IL22RA1: variants seen among roughly 807,000 people sequenced by gnomAD.
IL22RA1 encodes interleukin 22 receptor subunit alpha 1.
In IL22RA1, 25 loss-of-function variants were observed where a neutral mutation model predicts 32.8. The ratio of observed to expected loss-of-function variants is 0.76; its 90% confidence interval spans 0.55 to 1.06. The LOEUF (loss-of-function observed/expected upper bound fraction) is 1.06. Ranked by LOEUF, IL22RA1 falls within the 50% of genes least tolerant of loss-of-function variation. IL22RA1 has a pLI of 0.00. For missense variants in IL22RA1, 709 were observed against 727.4 expected (o/e 0.97, Z 0.29); for synonymous variants, 305 against 305.0 (o/e 1.00, Z 0.00).
At position 24,121,424 on chromosome 1, in the gene IL22RA1, G is replaced by C. The variant is rs1028376253; in HGVS notation, c.1106C>G (p.Thr369Ser). 5 of 1,548,112 alleles carry C rather than the reference G, an allele frequency of 3.2e-6. No individual in the cohort carries two copies. The highest frequency in any genetic ancestry group is 4.4e-6 in the Non-Finnish European group (5 of 1,145,568). ...GTAGAATGGGAATTGAGCTTCGGGGGTCACCTGAGGTGCATAGGATGGGGG... is the reference window on the plus strand; with the variant it reads ...GTAGAATGGGAATTGAGCTTCGGGGCTCACCTGAGGTGCATAGGATGGGGG... ...VGPPSYAPQV[T>S]PEAQFPFYAP... Residue 369 changes from threonine (T) to serine (S), a missense_variant, in exon 7 of 7, where the codon ACC becomes AGC. Physicochemically the swap from Thr to Ser is moderately conservative, Grantham distance 58 (BLOSUM62 1). Transcript: ENST00000270800.
intron 2 of IL22RA1, 67 bp downstream of exon 2, chr1:24,138,515 G>C (rs1644258321): frequency 1.3e-6 from 2 of 1,576,126 alleles, no homozygotes; most frequent in African/African-American, 2.7e-5. Context: ...TGGAGAGGAG[G>C]GGAATTCCTT....
chr1:24,137,292 C>G lies in IL22RA1; in HGVS notation c.194G>C (p.Trp65Ser). 1 of 1,614,060 alleles carries G rather than the reference C, an allele frequency of 6.2e-7. No individual in the cohort carries two copies. The highest frequency in any genetic ancestry group is 8.5e-7 in the Non-Finnish European group (1 of 1,179,990). ...IEYKTYGERD[W>S]VAKKGCQRIT... ...CCGCTGACAGCCCTTCTTTGCCACC[C>G]AGTCCCTCTCTCCGTACCTGCAGGT... Residue 65 changes from tryptophan (W) to serine (S), a missense_variant, in exon 3 of 7, where the codon TGG becomes TCG. Coordinates refer to ENST00000270800, the MANE Select transcript of IL22RA1 (RefSeq NM_021258.4).
chr1:24,141,221 T>A (rs1644279317), intron 1 of IL22RA1, among the ~76,000 whole-genome samples: 1 of 152,082 alleles, frequency 6.6e-6, no homozygotes, highest in South Asian at 2.1e-4. Context: ...GTAGCTGACA[T>A]CTTGTTTGGA....
chr1:24,135,517 A>G (rs1004151702), intron 3 of IL22RA1, among the ~76,000 whole-genome samples: 4 of 152,236 alleles, frequency 2.6e-5, no homozygotes, highest in Non-Finnish European at 5.9e-5. Context: ...TCACACGCTT[A>G]GCTTGTGTGG....
intron 4 of IL22RA1, among the ~76,000 whole-genome samples, chr1:24,131,034 A>G (rs980288440): frequency 6.6e-6 from 1 of 152,210 alleles, no homozygotes; most frequent in African/African-American, 2.4e-5. Context: ...CGGTATAACA[A>G]TGCTCCAGGA....
chr1:24,136,506 G>C (rs1644243251), intron 3 of IL22RA1, among the ~76,000 whole-genome samples: 1 of 151,576 alleles, frequency 6.6e-6, no homozygotes, highest in African/African-American at 2.4e-5. Context: ...CACTGACTTA[G>C]GAGGTGATGT....
intron 6 of IL22RA1, among the ~76,000 whole-genome samples, chr1:24,122,580 G>C (rs994684086): frequency 1.3e-5 from 2 of 152,144 alleles, no homozygotes; most frequent in Non-Finnish European, 2.9e-5. Flanking sequence ...TAGATCACCT[G>C]AAGTCAGGAG....
At chr1:24,142,429 CT>C (rs1439158951) in intron 1 of IL22RA1, among the ~76,000 whole-genome samples, 3 of 152,222 alleles carry the variant, frequency 2.0e-5, no homozygotes, top group African/African-American at 7.2e-5. Context: ...ACTCCGCTCA[CT>C]TTATTGGCTT....
In IL22RA1 at chr1:24,123,589, C is replaced by T. The variant is rs951931917; in HGVS notation, c.671-166G>A. ...CACAAATGGAAGTCCATATACTGTA[C>T]ATCTAAATAGTCAGAATTTACAAAT... On this transcript the variant is annotated intron_variant, in intron 5 of 6. Coordinates refer to ENST00000270800, the MANE Select transcript of IL22RA1 (RefSeq NM_021258.4). The T allele has an allele frequency of 2.5e-5, 35 of 1,373,022 alleles. 1 individual carries two copies. Among genetic ancestry groups the T allele is most frequent in the Admixed American group, 1.2e-4 (4 of 33,462 alleles). 85.1% of individuals were successfully genotyped at this position (1,373,022 alleles called of 1,614,324 possible).
intron 5 of IL22RA1, among the ~76,000 whole-genome samples, chr1:24,127,315 T>C (rs1644172795): frequency 6.7e-6 from 1 of 148,936 alleles, no homozygotes; most frequent in Non-Finnish European, 1.5e-5. Context: ...GCAAGTCACT[T>C]TTTTTTTTTT....
chr1:24,127,595 G>A (rs543865220), intron 5 of IL22RA1, among the ~76,000 whole-genome samples: 13 of 152,262 alleles, frequency 8.5e-5, no homozygotes, highest in Admixed American at 5.9e-4. Context: ...TTACAGGTGT[G>A]AGCCACTGTG....
chr1:24,134,126 C>CTTTT, intron 4 of IL22RA1, 85 bp downstream of exon 4: 2 of 1,205,454 alleles, frequency 1.7e-6, no homozygotes, highest in Non-Finnish European at 2.3e-6. Flanking sequence ...AACATGTCCC[C>CTTTT]TTTTTTTCTT....
chr1:24,124,480 T>G (rs1459011854), intron 5 of IL22RA1, among the ~76,000 whole-genome samples: 1 of 152,108 alleles, frequency 6.6e-6, no homozygotes, highest in Non-Finnish European at 1.5e-5. Context: ...CCAGTCCAAG[T>G]GGGGCTTGTG....
intron 5 of IL22RA1, among the ~76,000 whole-genome samples, chr1:24,127,398 A>G (rs1372081317): frequency 1.3e-5 from 2 of 151,692 alleles, no homozygotes; most frequent in African/African-American, 4.8e-5. Context: ...TGCAGCTTCA[A>G]CCTCCTGGGC....
At position 24,123,286 on chromosome 1, in the gene IL22RA1, TGGG is replaced by T. The variant is rs774324807; in HGVS notation, c.792+13_792+15del. 1 of 1,612,114 alleles carries T rather than the reference TGGG, an allele frequency of 6.2e-7. No homozygotes were observed. Among genetic ancestry groups the T allele is most frequent in the African/African-American group, 1.3e-5 (1 of 74,910 alleles). ...TCCCCTGGACCTCTCCCTCCCACCCTGGGGGGATGGCTCACCAGGGAGTTGGGA... is the reference window on the plus strand; with the variant it reads ...TCCCCTGGACCTCTCCCTCCCACCCTGGGATGGCTCACCAGGGAGTTGGGA... On this transcript the variant is annotated intron_variant, in intron 6 of 6. Coordinates refer to ENST00000270800, the MANE Select transcript of IL22RA1 (RefSeq NM_021258.4).
chr1:24,142,098 G>C (rs375398271), intron 1 of IL22RA1, among the ~76,000 whole-genome samples: 29 of 152,278 alleles, frequency 1.9e-4, no homozygotes, highest in African/African-American at 6.3e-4. Flanking sequence ...GTGCCTCAAG[G>C]GGGTGCCTCA....
chr1:24,123,630 T>TTAAA, intron 5 of IL22RA1: 1 of 1,160,116 alleles, frequency 8.6e-7, no homozygotes, highest in South Asian at 1.8e-5. Flanking sequence ...TTTTACACTG[T>TTAAA]TAAATAAATA....
intron 1 of IL22RA1, among the ~76,000 whole-genome samples, chr1:24,141,435 C>T (rs887753842): frequency 1.3e-5 from 2 of 152,000 alleles, no homozygotes; most frequent in Non-Finnish European, 2.9e-5. Context: ...GCAGCGGGAA[C>T]GGTTGCTGGT....
At chr1:24,123,504 A>G (rs752767821) in intron 5 of IL22RA1, 81 bp from the exon 6 acceptor site, 1 of 1,558,884 alleles carries the variant, frequency 6.4e-7, no homozygotes, top group South Asian at 1.2e-5. Flanking sequence ...CCACATGTGG[A>G]TGCTGAAAAC....
Sources: gnomAD v4.1 joint callset for allele counts (sites outside exome capture counted in the v4.1 genomes callset) on GRCh38, gnomAD v4.1.1 for gene constraint, MANE v1.5 for transcripts, NCBI Gene and HGNC (gene_info 2026-07-23, HGNC 2026-07-21) for gene names.